The following INTS9 variants were observed in gnomAD, a reference collection of about 807,000 sequenced individuals.
INTS9 encodes the protein integrator complex subunit 9.
In INTS9, 55 loss-of-function variants were observed where a neutral mutation model predicts 79.7. The observed-to-expected ratio is 0.69, with a 90% confidence interval of 0.56 to 0.86. The LOEUF (loss-of-function observed/expected upper bound fraction) is 0.86. INTS9 is among the 40% of genes least tolerant of loss of function. The pLI is 0.00. For missense variants in INTS9, 721 were observed against 831.5 expected (o/e 0.87, Z 1.64); for synonymous variants, 319 against 325.2 (o/e 0.98, Z 0.20).
At chr8:28,813,774 T>A in intron 6 of INTS9, 162 bp from the exon 7 acceptor site, 2 of 779,504 alleles carry the variant, frequency 2.6e-6, no homozygotes, top group Non-Finnish European at 3.9e-6. Context: ...TATTTTTACT[T>A]TTTTTGAGAC....
chr8:28,869,563 A>G (rs1428006889), intron 1 of INTS9, among the ~76,000 whole-genome samples: 1 of 152,230 alleles, frequency 6.6e-6, no homozygotes, highest in East Asian at 1.9e-4. Context: ...CCACTGAGCC[A>G]AATTTGCCTA....
chr8:28,771,482 T>C (rs1435023813), intron 14 of INTS9, among the ~76,000 whole-genome samples: 1 of 152,238 alleles, frequency 6.6e-6, no homozygotes, highest in African/African-American at 2.4e-5. Flanking sequence ...AGGTGCTCTG[T>C]TGCTGGGTTT....
At chr8:28,861,951 G>A (rs969316159) in intron 1 of INTS9, 1 of 362,284 alleles carries the variant, frequency 2.8e-6, no homozygotes, top group Non-Finnish European at 3.8e-6. Context: ...CCCAGTTTCA[G>A]AAGCTTTTCT....
chr8:28,872,163 C>G (rs1809130476), intron 1 of INTS9, among the ~76,000 whole-genome samples: 1 of 152,144 alleles, frequency 6.6e-6, no homozygotes, highest in Non-Finnish European at 1.5e-5. Context: ...AATATTGCAT[C>G]AGAGTTTAAA....
Position 28,775,946 on chromosome 8 carries a change from G to C in INTS9, c.1396-20C>G. The C allele has an allele frequency of 6.6e-7, 1 of 1,525,892 alleles. No individual in the cohort carries two copies. Among genetic ancestry groups the C allele is most frequent in the Non-Finnish European group, 8.8e-7 (1 of 1,135,870 alleles). The allele number at this position is 1,525,892 out of a possible 1,614,324, so 94.5% of individuals were successfully genotyped here. ...CAGGGGCTGAGGAACCAATGGGACA[G>C]TTGAGAAAGGTGGTGTGAAGTACAG... On this transcript the variant is annotated intron_variant, in intron 13 of 16. Coordinates refer to ENST00000521022, the MANE Select transcript of INTS9 (RefSeq NM_018250.4).
intron 11 of INTS9, among the ~76,000 whole-genome samples, chr8:28,785,768 CA>C: frequency 6.6e-6 from 1 of 152,204 alleles, no homozygotes; most frequent in Non-Finnish European, 1.5e-5. Context: ...CAGACACACA[CA>C]TACACACACA....
chr8:28,776,857 G>A (rs911513130), intron 13 of INTS9, among the ~76,000 whole-genome samples: 1 of 152,174 alleles, frequency 6.6e-6, no homozygotes, highest in Non-Finnish European at 1.5e-5. Flanking sequence ...CTGGTTTAGG[G>A]ACTGGGATTT....
At chr8:28,800,107 C>G (rs1804438737) in intron 8 of INTS9, among the ~76,000 whole-genome samples, 2 of 152,216 alleles carry the variant, frequency 1.3e-5, no homozygotes, top group Admixed American at 6.5e-5. Context: ...CTGTGTCCCC[C>G]ACAGGACTCT....
chr8:28,770,011 C>A lies in INTS9; in HGVS notation c.1678G>T (p.Ala560Ser). Reference protein sequence around the residue: ...KHLLQPPPRPAQPTSGKKRKR... With the variant: ...KHLLQPPPRPSQPTSGKKRKR... Reference sequence around the variant, plus strand: ...CTCTTCTTCCCGCTCGTGGGCTGGGCGGGCCGAGGAGGGGGCTAGAGCAGA... The same window carrying A: ...CTCTTCTTCCCGCTCGTGGGCTGGGAGGGCCGAGGAGGGGGCTAGAGCAGA... The change falls in exon 16 of 17, where the codon GCC (alanine) becomes TCC (serine). Residue 560 changes from alanine (A) to serine (S), a missense_variant. By Grantham distance (99) the Ala-to-Ser change is moderately conservative. This residue lies in a region of INTS9 where 281 missense variants were observed against 300.8 expected (regional missense o/e 0.93). Coordinates refer to ENST00000521022, the MANE Select transcript of INTS9 (RefSeq NM_018250.4). 2 of 1,613,918 alleles carry A rather than the reference C, an allele frequency of 1.2e-6. No individual in the cohort carries two copies. The highest frequency in any genetic ancestry group is 1.1e-5 in the South Asian group (1 of 91,068).
intron 1 of INTS9, among the ~76,000 whole-genome samples, chr8:28,887,718 C>G (rs960299424): frequency 2.0e-5 from 3 of 152,132 alleles, no homozygotes; most frequent in South Asian, 4.2e-4. Flanking sequence ...TGGGAATTCT[C>G]AATTACATTT....
chr8:28,813,374 C>T (rs1437829357), intron 7 of INTS9, 118 bp downstream of exon 7: 12 of 1,005,330 alleles, frequency 1.2e-5, no homozygotes, highest in Non-Finnish European at 1.7e-5. Flanking sequence ...AACAGAGGCT[C>T]TGGATCCTCA....
At chr8:28,885,303 A>G (rs1810123544) in intron 1 of INTS9, among the ~76,000 whole-genome samples, 1 of 152,232 alleles carries the variant, frequency 6.6e-6, no homozygotes, top group Admixed American at 6.5e-5. Context: ...CAAGCATTTA[A>G]ATGACCTTCC....
rs566259130 is a variant in INTS9, at chr8:28,772,891, A to G, written c.1564-1811T>C. Among the ~76,000 whole-genome samples, 3 of 152,374 alleles carry G rather than the reference A, an allele frequency of 2.0e-5. No homozygotes were observed. In the East Asian group the frequency reaches 5.8e-4, roughly 29 times the overall value. On this transcript the variant is annotated intron_variant, in intron 14 of 16. Transcript: ENST00000521022. ...CTGGAAAAGACTTGAATAAAATTGG[A>G]AAATAACTAAAAAAGGACAACATTC...
intron 12 of INTS9, 63 bp downstream of exon 12, chr8:28,780,760 A>C (rs752816062): frequency 6.3e-7 from 1 of 1,582,508 alleles, no homozygotes; most frequent in Non-Finnish European, 8.6e-7. Context: ...TCTACCTTGT[A>C]GGTGCATTCA....
At chr8:28,778,068 A>C (rs1337545851) in intron 12 of INTS9, 115 bp from the exon 13 acceptor site, 7 of 1,186,458 alleles carry the variant, frequency 5.9e-6, no homozygotes, top group African/African-American at 3.2e-5. Context: ...GGAGGGAGCC[A>C]GGAAGCACAC....
At position 28,837,713 on chromosome 8, in the gene INTS9, C is replaced by T. The variant is rs1806895291; in HGVS notation, c.325G>A (p.Ala109Thr). ...GTGTGCTCGGTGATGTATGGCAGCG[C>T]CATCATACAGTGATAGTTAGAGATG... ...ILISNYHCMM[A>T]LPYITEHTGF... is the part of the protein sequence containing the mutation. Residue 109 changes from alanine (A) to threonine (T), a missense_variant, in exon 5 of 17, where the codon GCG becomes ACG. Around this residue, in one of 3 missense-constraint regions of INTS9, gnomAD observed 291 missense variants for 307.0 expected, o/e 0.95. Coordinates refer to ENST00000521022, the MANE Select transcript of INTS9 (RefSeq NM_018250.4). 6.2e-7 allele frequency: 1 copy of T among 1,613,868 alleles called. No individual in the cohort carries two copies. The highest frequency in any genetic ancestry group is 1.1e-5 in the South Asian group (1 of 91,072).
At chr8:28,816,572 G>T (rs1805497062) in intron 6 of INTS9, among the ~76,000 whole-genome samples, 2 of 149,684 alleles carry the variant, frequency 1.3e-5, no homozygotes, top group South Asian at 4.3e-4. Context: ...ATTTGGGTTG[G>T]TTCCAAGTCT....
chr8:28,793,875 G>A lies in INTS9; in HGVS notation c.969C>T (p.Ser323=), dbSNP rs200424719. 72 of 1,613,756 alleles carry A rather than the reference G, an allele frequency of 4.5e-5. No homozygotes were observed. The highest frequency in any genetic ancestry group is 1.1e-4 in the East Asian group (5 of 44,878). The change falls in exon 10 of 17, where the codon AGC becomes AGT. Residue 323 remains serine (S), a synonymous_variant. Transcript: ENST00000521022. Reference sequence around the variant, plus strand: ...CAGGGGAGATGAAGTAGAGGGGGACGCTGGAAAGCCCGGCTGAGTCGATGT... The same window carrying A: ...CAGGGGAGATGAAGTAGAGGGGGACACTGGAAAGCCCGGCTGAGTCGATGT... ...YQYIDSAGLS[S]VPLYFISPVA... is the part of the protein sequence containing the mutation.
intron 1 of INTS9, among the ~76,000 whole-genome samples, chr8:28,871,404 A>G (rs1282261259): frequency 6.6e-6 from 1 of 152,132 alleles, no homozygotes; most frequent in Non-Finnish European, 1.5e-5. Flanking sequence ...ATTCTGGGGT[A>G]GGAGATAACT....
Sources: gnomAD v4.1 joint callset for allele counts (sites outside exome capture counted in the v4.1 genomes callset) on GRCh38, gnomAD v4.1.1 for gene constraint, gnomAD v4.1.1 regional missense constraint, MANE v1.5 for transcripts, NCBI Gene and HGNC (gene_info 2026-07-23, HGNC 2026-07-21) for gene names.